The following ASTN2 variants were observed in gnomAD, a reference collection of about 807,000 sequenced individuals.
ASTN2 encodes astrotactin-2.
Under a neutral mutation model 139.8 loss-of-function variants are expected in ASTN2, and 54 were observed. That is an observed-to-expected ratio of 0.39 (90% CI 0.31 to 0.48). ASTN2 has a LOEUF of 0.48. ASTN2 is among the 20% of genes least tolerant of loss of function. The probability of loss-of-function intolerance (pLI) is 0.95; values close to 1 mark genes in which losing one functional copy is unlikely to be tolerated. For synonymous variants in ASTN2, 756 were observed against 719.5 expected, an observed-to-expected ratio of 1.05 and a Z score of -0.81; for missense variants, 1,565 against 1,725.1, an observed-to-expected ratio of 0.91 and a Z score of 1.64.
chr9:116,998,904 A>G (rs1837100614), intron 7 of ASTN2, among the ~76,000 whole-genome samples: 1 of 152,208 alleles, frequency 6.6e-6, no homozygotes, highest in Non-Finnish European at 1.5e-5. Context: ...AGCTTCATAA[A>G]AATCCTGTAT....
chr9:117,205,007 G>T (rs1831868439), intron 3 of ASTN2, among the ~76,000 whole-genome samples: 1 of 152,142 alleles, frequency 6.6e-6, no homozygotes, highest in South Asian at 2.1e-4. Context: ...CTATGTGGGA[G>T]GCACTGTGCT....
rs1860963225 is a variant in ASTN2 at position 116,698,038 on chromosome 9, T to C, written c.2806+27733A>G. 5 of 1,614,052 alleles carry C rather than the reference T, an allele frequency of 3.1e-6. No homozygotes were observed. The highest frequency in any genetic ancestry group is 3.4e-6 in the Non-Finnish European group (4 of 1,180,026). ...CTCAGCGAGGCTGTGGGGCTGCTCA[T>C]GTGTCGGTCCTGTGGGCGGCGTCTG... On this transcript the variant is annotated intron_variant, in intron 16 of 22. Transcript: ENST00000313400. The surrounding 1 kb of genome is among the most constrained non-coding windows in gnomAD (Gnocchi z 4.4).
intron 2 of ASTN2, among the ~76,000 whole-genome samples, chr9:117,242,595 G>A (rs1833249179): frequency 6.6e-6 from 1 of 152,194 alleles, no homozygotes; most frequent in Non-Finnish European, 1.5e-5. Context: ...ATACATATGG[G>A]TGGCCTTGGA....
Position 116,632,146 on chromosome 9 carries a change from GA to G in ASTN2, c.3073-11704del, listed in dbSNP as rs1360043341. Among the ~76,000 whole-genome samples the G allele has an allele frequency of 5.9e-3, 495 of 84,116 alleles. 13 individuals are homozygous for G. Among genetic ancestry groups the G allele is most frequent in the African/African-American group, 0.021 (467 of 22,484 alleles). 55.2% of individuals were successfully genotyped at this position (84,116 alleles called of 152,430 possible). On this transcript the variant is annotated intron_variant, in intron 17 of 22. Coordinates refer to ENST00000313400, the MANE Select transcript of ASTN2 (RefSeq NM_001365068.1). ...GAAAAAGAAGAGAGAGAGAGAGAGA[GA>G]GAGAGAGAGACAGAGAGAGAGAGAG... is the stretch of plus-strand genomic sequence containing the variant.
At chr9:116,634,589 CAAAAA>C (rs57882262) in intron 17 of ASTN2, among the ~76,000 whole-genome samples, 1 of 104,238 alleles carries the variant, frequency 9.6e-6, no homozygotes, top group African/African-American at 3.9e-5. Flanking sequence ...GACTCCGTCT[CAAAAA>C]AAAAAAAAAA....
chr9:116,839,494 T>G (rs2132299225), intron 11 of ASTN2, among the ~76,000 whole-genome samples: 1 of 152,042 alleles, frequency 6.6e-6, no homozygotes, highest in East Asian at 1.9e-4. Context: ...CATGTACTCC[T>G]TTTGAGACAG....
intron 3 of ASTN2, among the ~76,000 whole-genome samples, chr9:117,196,003 T>A (rs1362728255): frequency 2.0e-5 from 3 of 152,204 alleles, no homozygotes; most frequent in Non-Finnish European, 2.9e-5. Flanking sequence ...AGCCCATGGT[T>A]GCTGTGCATT....
chr9:116,616,405 TG>T, intron 19 of ASTN2, among the ~76,000 whole-genome samples: 2 of 152,276 alleles, frequency 1.3e-5, no homozygotes, highest in Admixed American at 1.3e-4. Flanking sequence ...AGCACCCTAG[TG>T]GAAGAAGCAA....
intron 6 of ASTN2, among the ~76,000 whole-genome samples, chr9:117,022,431 G>T (rs1266360238): frequency 7.0e-6 from 1 of 143,064 alleles, no homozygotes; most frequent in Non-Finnish European, 1.5e-5. Context: ...GTCATGTACA[G>T]TATCCCAGGG....
intron 13 of ASTN2, among the ~76,000 whole-genome samples, chr9:116,767,073 CACAT>C (rs371895928): frequency 5.3e-5 from 8 of 152,104 alleles, no homozygotes; most frequent in African/African-American, 1.7e-4. Flanking sequence ...GCATCACACA[CACAT>C]AAACACATAC....
At chr9:116,468,311 C>T (rs1033386971) in intron 20 of ASTN2, among the ~76,000 whole-genome samples, 1 of 152,136 alleles carries the variant, frequency 6.6e-6, no homozygotes, top group Admixed American at 6.6e-5. Context: ...CTCAAATAGG[C>T]TTACTTATTG....
chr9:117,350,550 T>C (rs1829356316), intron 1 of ASTN2, among the ~76,000 whole-genome samples: 3 of 141,830 alleles, frequency 2.1e-5, no homozygotes, highest in Non-Finnish European at 3.0e-5. Context: ...CGAGACTCCA[T>C]CTTAAAAAAA....
chr9:117,102,270 C>T (rs1828996925), intron 4 of ASTN2, among the ~76,000 whole-genome samples: 1 of 152,132 alleles, frequency 6.6e-6, no homozygotes, highest in African/African-American at 2.4e-5. Flanking sequence ...TGAAAGAAGC[C>T]AGACATTAAA....
At chr9:117,030,801 C>G (rs1838225715) in intron 6 of ASTN2, among the ~76,000 whole-genome samples, 1 of 151,632 alleles carries the variant, frequency 6.6e-6, no homozygotes, top group Non-Finnish European at 1.5e-5. Context: ...ATCCACAGCT[C>G]CCAGCCATTG....
rs906665156 is a variant in ASTN2, at chr9:117,384,156, T to C, written c.442+30341A>G. ...GGCGGGGTTGCGTGACTGCAAATCA[T>C]AGTCCTTGGAAGGTGAGCAGGCAGT... On this transcript the variant is annotated intron_variant, in intron 1 of 22. Coordinates refer to ENST00000313400, the MANE Select transcript of ASTN2 (RefSeq NM_001365068.1). Among the ~76,000 whole-genome samples the C allele has an allele frequency of 1.1e-4, 16 of 152,098 alleles. No individual in the cohort carries two copies. The East Asian group carries it at 2.9e-3, about 28-fold the overall frequency.
At chr9:116,957,932 G>A (rs976704505) in intron 10 of ASTN2, among the ~76,000 whole-genome samples, 2 of 152,116 alleles carry the variant, frequency 1.3e-5, no homozygotes, top group Non-Finnish European at 2.9e-5. Flanking sequence ...ACCTGCCTTG[G>A]CCTCCCAAAA....
chr9:116,778,946 C>A (rs928648178), intron 13 of ASTN2, among the ~76,000 whole-genome samples: 1 of 152,134 alleles, frequency 6.6e-6, no homozygotes, highest in Non-Finnish European at 1.5e-5. Context: ...GAGGAACTAT[C>A]GCATACTGTT....
At chr9:117,408,795 C>T (rs2130976701) in intron 1 of ASTN2, among the ~76,000 whole-genome samples, 1 of 152,312 alleles carries the variant, frequency 6.6e-6, no homozygotes, top group Non-Finnish European at 1.5e-5. Context: ...GCTCTCCCCT[C>T]TCTCTGCCCT....
chr9:117,135,803 G>C (rs1466198849), intron 4 of ASTN2, among the ~76,000 whole-genome samples: 1 of 152,102 alleles, frequency 6.6e-6, no homozygotes, highest in Non-Finnish European at 1.5e-5. Context: ...TGCCTGGAGA[G>C]AAAGGGTGGG....
Sources: allele counts gnomAD v4.1 joint callset (sites outside exome capture counted in the v4.1 genomes callset), GRCh38; gene constraint gnomAD v4.1.1; non-coding constraint Gnocchi (gnomAD v3.1); transcripts MANE v1.5; gene names NCBI Gene and HGNC (gene_info 2026-07-23, HGNC 2026-07-21).